Variants in CRIM1 observed in about 807,000 individuals in gnomAD.
CRIM1 encodes the protein cysteine rich transmembrane BMP regulator 1, also known as cysteine-rich motor neuron 1 protein.
In CRIM1, 32 loss-of-function variants were observed where a neutral mutation model predicts 116.4. That is an observed-to-expected ratio of 0.27 (90% CI 0.21 to 0.37). CRIM1 has a LOEUF of 0.37. Among genes scored for constraint, CRIM1 ranks in the 10% least tolerant of loss-of-function variants. The probability of loss-of-function intolerance (pLI) is 1.00; values close to 1 mark genes in which losing one functional copy is unlikely to be tolerated. For synonymous variants in CRIM1, 590 were observed against 509.2 expected, an observed-to-expected ratio of 1.16 and a Z score of -2.13; for missense variants, 1,331 against 1,354.8, an observed-to-expected ratio of 0.98 and a Z score of 0.28.
chr2:36,395,763 G>C (rs17018693), intron 1 of CRIM1, among the ~76,000 whole-genome samples: 25,036 of 151,970 alleles, frequency 0.16, 2,904 homozygotes, highest in African/African-American at 0.34. Context: ...TCTGGCTTTG[G>C]GTTGGCAGTG....
At chr2:36,478,188 G>C (rs1384962509) in intron 6 of CRIM1, among the ~76,000 whole-genome samples, 1 of 152,122 alleles carries the variant, frequency 6.6e-6, no homozygotes, top group Admixed American at 6.5e-5. Flanking sequence ...TCCTAACATA[G>C]TTCATAACAG....
intron 9 of CRIM1, among the ~76,000 whole-genome samples, chr2:36,511,828 G>A (rs1664701097): frequency 7.4e-6 from 1 of 134,594 alleles, no homozygotes; most frequent in South Asian, 2.7e-4. Flanking sequence ...CTTTCTGCAT[G>A]CAGCAGATAC....
At chr2:36,360,913 C>T (rs1669184215) in intron 1 of CRIM1, among the ~76,000 whole-genome samples, 1 of 151,968 alleles carries the variant, frequency 6.6e-6, no homozygotes, top group South Asian at 2.1e-4. Context: ...TCTCAGAAGT[C>T]CTTAGGTAGA....
intron 2 of CRIM1, among the ~76,000 whole-genome samples, chr2:36,405,473 T>C (rs1415498869): frequency 6.6e-6 from 1 of 152,160 alleles, no homozygotes; most frequent in Non-Finnish European, 1.5e-5. Context: ...GGGTGTCTCC[T>C]AAGTTTCTCA....
chr2:36,480,353 G>A (rs1425276974), intron 7 of CRIM1, among the ~76,000 whole-genome samples: 3 of 152,170 alleles, frequency 2.0e-5, no homozygotes, highest in African/African-American at 2.4e-5. Flanking sequence ...CTTAACTCAT[G>A]TCAGTCTTTA....
intron 2 of CRIM1, among the ~76,000 whole-genome samples, chr2:36,429,407 A>G (rs547102878): frequency 2.6e-5 from 4 of 152,196 alleles, no homozygotes; most frequent in South Asian, 4.2e-4. Flanking sequence ...TGTTCCCTCC[A>G]TTGTACTCCT....
In CRIM1 at chr2:36,464,592, C is replaced by G; in HGVS notation, c.928C>G (p.Arg310Gly). The change falls in exon 5 of 17, where the codon CGC becomes GGC. Residue 310 changes from arginine to glycine, a missense_variant. Arg to Gly is a moderately radical substitution (Grantham distance 125, BLOSUM62 -2). Transcript: ENST00000280527. ...FPVCEVGSTP[R>G]IVSRGDGTPG... ...CGTGTGTGAGGTGGGATCCACTCCC[C>G]GCATAGTCTCTCGTGGCGATGGGAC... 1 of 1,614,080 alleles carries G rather than the reference C, an allele frequency of 6.2e-7. No homozygotes were observed. The highest frequency in any genetic ancestry group is 8.5e-7 in the Non-Finnish European group (1 of 1,179,986).
chr2:36,425,920 C>T (rs1456419179), intron 2 of CRIM1, among the ~76,000 whole-genome samples: 1 of 152,190 alleles, frequency 6.6e-6, no homozygotes, highest in East Asian at 1.9e-4. Context: ...AGTGGTTTGT[C>T]ATTTGAATCA....
chr2:36,538,150 C>T (rs1179277714), intron 14 of CRIM1, among the ~76,000 whole-genome samples: 1 of 152,126 alleles, frequency 6.6e-6, no homozygotes, highest in Non-Finnish European at 1.5e-5. Context: ...TTCCCCACGC[C>T]CCACTCTTTG....
chr2:36,489,245 A>G (rs149194320), intron 7 of CRIM1, among the ~76,000 whole-genome samples: 333 of 152,256 alleles, frequency 2.2e-3, no homozygotes, highest in Non-Finnish European at 3.4e-3. Context: ...ACAGGAGATC[A>G]TGTTGTTTTT....
At chr2:36,386,980 G>C (rs1454877127) in intron 1 of CRIM1, among the ~76,000 whole-genome samples, 1 of 152,210 alleles carries the variant, frequency 6.6e-6, no homozygotes, top group East Asian at 1.9e-4. Context: ...GGAAGAGGAA[G>C]GCATGGCAGA....
At chr2:36,533,963 A>G (rs1255884226) in intron 13 of CRIM1, among the ~76,000 whole-genome samples, 5 of 130,008 alleles carry the variant, frequency 3.8e-5, no homozygotes, top group East Asian at 2.7e-4. Flanking sequence ...AGAGGGTGGG[A>G]GGGAAAGGGA....
At chr2:36,415,943 C>G (rs1673584818) in intron 2 of CRIM1, among the ~76,000 whole-genome samples, 1 of 152,208 alleles carries the variant, frequency 6.6e-6, no homozygotes, top group South Asian at 2.1e-4. Flanking sequence ...CACAGTGGCT[C>G]ACGCCTGTAA....
intron 7 of CRIM1, among the ~76,000 whole-genome samples, chr2:36,489,360 T>C (rs1400367414): frequency 6.6e-6 from 1 of 152,208 alleles, no homozygotes. Flanking sequence ...GATAATAAGC[T>C]ATCCACTTGG....
In CRIM1 at chr2:36,499,247, T is replaced by C. The variant is rs773173229; in HGVS notation, c.1401T>C (p.Pro467=). 3.1e-6 allele frequency: 5 copies of C among 1,612,458 alleles called. No homozygotes were observed. Among genetic ancestry groups the C allele is most frequent in the Non-Finnish European group, 3.4e-6 (4 of 1,178,498 alleles). The change falls in exon 8 of 17, where the codon CCT becomes CCC. Residue 467 remains proline, a synonymous_variant. Transcript: ENST00000280527. ...EEPTIITVDP[P]ACGELSNCTL... The stretch of plus-strand genomic sequence containing the variant: ...CAACCATCATCACAGTTGATCCACC[T>C]GCATGTGGGGAGTTATCAAACTGCA...
chr2:36,479,404 G>A, intron 6 of CRIM1, 93 bp from the exon 7 acceptor site: 1 of 1,249,750 alleles, frequency 8.0e-7, no homozygotes, highest in Non-Finnish European at 1.1e-6. Context: ...AACTGCTGAT[G>A]ACTAGAACCC....
At chr2:36,387,272 G>A (rs1206917881) in intron 1 of CRIM1, among the ~76,000 whole-genome samples, 1 of 152,202 alleles carries the variant, frequency 6.6e-6, no homozygotes, top group Non-Finnish European at 1.5e-5. Context: ...GTATCCTGAT[G>A]AAGAGATCAA....
chr2:36,414,983 G>A (rs1000584173), intron 2 of CRIM1, among the ~76,000 whole-genome samples: 8 of 152,286 alleles, frequency 5.3e-5, no homozygotes, highest in Admixed American at 2.6e-4. Flanking sequence ...GGATTGTAGC[G>A]GGAAGCTAGA....
chr2:36,416,581 AT>A (rs1237824514), intron 2 of CRIM1, among the ~76,000 whole-genome samples: 1 of 152,216 alleles, frequency 6.6e-6, no homozygotes, highest in African/African-American at 2.4e-5. Context: ...CAGGTTTAGT[AT>A]TTTTTGACCT....
Sources: allele counts gnomAD v4.1 joint callset (sites outside exome capture counted in the v4.1 genomes callset), GRCh38; gene constraint gnomAD v4.1.1; transcripts MANE v1.5; gene names NCBI Gene and HGNC (gene_info 2026-07-23, HGNC 2026-07-21).